The following DDX60L variants were observed in gnomAD, a reference collection of about 807,000 sequenced individuals.
The protein encoded by DDX60L is DExD/H-box 60 like, also known as probable ATP-dependent RNA helicase DDX60-like.
Under a neutral mutation model 211.6 loss-of-function variants are expected in DDX60L, and 191 were observed. The ratio of observed to expected loss-of-function variants is 0.90; its 90% CI spans 0.80 to 1.02. The LOEUF is 1.02. Ranked by LOEUF, DDX60L falls within the 50% of genes least tolerant of loss-of-function variation. The probability of loss-of-function intolerance (pLI) is 0.00; values close to 1 mark genes in which losing one functional copy is unlikely to be tolerated. For missense variants in DDX60L, 2,007 were observed against 1,984.1 expected (o/e 1.01, Z -0.22); for synonymous variants, 706 against 694.1 (o/e 1.02, Z -0.27).
At chr4:168,360,604 C>T (rs1394812840) in intron 37 of DDX60L, among the ~76,000 whole-genome samples, 1 of 152,214 alleles carries the variant, frequency 6.6e-6, no homozygotes, top group Non-Finnish European at 1.5e-5. Context: ...TAGACAAAAA[C>T]TGGATGACCA....
intron 17 of DDX60L, among the ~76,000 whole-genome samples, chr4:168,420,631 C>T (rs1561034224): frequency 1.1e-5 from 1 of 94,180 alleles, no homozygotes; most frequent in Non-Finnish European, 2.2e-5. Context: ...CACACACACA[C>T]ACACACACAT....
At chr4:168,371,427 G>A (rs1464407699) in intron 36 of DDX60L, among the ~76,000 whole-genome samples, 185 bp downstream of exon 36, 2 of 144,986 alleles carry the variant, frequency 1.4e-5, no homozygotes, top group Non-Finnish European at 3.0e-5. Context: ...TGATTCATCT[G>A]TATTTTAAAC....
intron 36 of DDX60L, 86 bp from the exon 37 acceptor site, chr4:168,361,297 T>C (rs1739074130): frequency 4.8e-6 from 4 of 841,282 alleles, no homozygotes. Flanking sequence ...GGTCTGTCCA[T>C]GGCAGTTAAT....
intron 8 of DDX60L, among the ~76,000 whole-genome samples, chr4:168,449,618 A>G (rs1234911430): frequency 5.2e-5 from 2 of 38,544 alleles, no homozygotes; most frequent in Non-Finnish European, 1.1e-4. Flanking sequence ...AGTATAATAA[A>G]AAAAAAAAAA....
intron 33 of DDX60L, among the ~76,000 whole-genome samples, chr4:168,376,986 T>A (rs574793924): frequency 6.6e-6 from 1 of 152,270 alleles, no homozygotes; most frequent in Non-Finnish European, 1.5e-5. Flanking sequence ...TAATTATACA[T>A]CAGTTTTAAA....
chr4:168,435,554 G>A (rs561116025), intron 10 of DDX60L, among the ~76,000 whole-genome samples: 3 of 152,132 alleles, frequency 2.0e-5, no homozygotes, highest in Non-Finnish European at 4.4e-5. Flanking sequence ...TGGTTTCATT[G>A]TTTGAGCAAA....
intron 36 of DDX60L, among the ~76,000 whole-genome samples, chr4:168,362,451 C>T (rs1038138375): frequency 3.9e-5 from 6 of 152,228 alleles, no homozygotes; most frequent in Admixed American, 2.0e-4. Flanking sequence ...TGGCTCACTG[C>T]ACCCACAGAT....
Position 168,432,570 on chromosome 4 carries a change from A to G in DDX60L, c.1401T>C (p.Ser467=). 1 of 1,537,404 alleles carries G rather than the reference A, an allele frequency of 6.5e-7. No homozygotes were observed. Among genetic ancestry groups the G allele is most frequent in the Non-Finnish European group, 8.8e-7 (1 of 1,139,174 alleles). ...DMMKDLPILK[S]DDPVVPSLFK... ...ACAGTGAAGGAACAACCGGATCATC[A>G]CTGTAAAAATAAATACATAATTTTT... The change falls in exon 12 of 38, where the codon AGT becomes AGC. Residue 467 remains serine, a splice_region_variant and synonymous_variant. Coordinates refer to ENST00000682922, the MANE Select transcript of DDX60L (RefSeq NM_001012967.3).
At chr4:168,462,931 C>T (rs1757513855) in intron 4 of DDX60L, among the ~76,000 whole-genome samples, 1 of 152,066 alleles carries the variant, frequency 6.6e-6, no homozygotes, top group Admixed American at 6.5e-5. Flanking sequence ...CATCTCACGC[C>T]AGTCAGATGG....
chr4:168,368,726 G>T (rs570311028), intron 36 of DDX60L, among the ~76,000 whole-genome samples: 17 of 152,334 alleles, frequency 1.1e-4, no homozygotes, highest in African/African-American at 3.8e-4. Context: ...GGGTGGAGCT[G>T]CCCAAGACTA....
At chr4:168,407,075 AT>A (rs1747872902) in intron 22 of DDX60L, among the ~76,000 whole-genome samples, 1 of 152,226 alleles carries the variant, frequency 6.6e-6, no homozygotes, top group South Asian at 2.1e-4. Context: ...TAGACAAAAA[AT>A]ATACCTTTCT....
chr4:168,404,151 G>GTGGAAACA, intron 24 of DDX60L, 45 bp from the exon 25 acceptor site: 9 of 1,131,938 alleles, frequency 8.0e-6, no homozygotes, highest in Non-Finnish European at 1.1e-5. Flanking sequence ...AAAAGAATTT[G>GTGGAAACA]TGGAAACAGA....
At chr4:168,372,235 G>T (rs1741156194) in intron 35 of DDX60L, among the ~76,000 whole-genome samples, 1 of 151,954 alleles carries the variant, frequency 6.6e-6, no homozygotes, top group Admixed American at 6.6e-5. Flanking sequence ...CAAACCTCTG[G>T]GCTCCAGAGA....
chr4:168,414,855 G>A (rs1417710614), intron 22 of DDX60L, among the ~76,000 whole-genome samples: 1 of 151,076 alleles, frequency 6.6e-6, no homozygotes, highest in Non-Finnish European at 1.5e-5. Flanking sequence ...GGTTACCAGA[G>A]GCTAGCAAAG....
chr4:168,456,928 A>C (rs547743031), intron 6 of DDX60L, among the ~76,000 whole-genome samples: 1 of 152,288 alleles, frequency 6.6e-6, no homozygotes, highest in South Asian at 2.1e-4. Flanking sequence ...ATATATATAC[A>C]GTCTGGGCAT....
intron 36 of DDX60L, among the ~76,000 whole-genome samples, chr4:168,361,956 T>A (rs1739184396): frequency 6.6e-6 from 1 of 152,150 alleles, no homozygotes; most frequent in African/African-American, 2.4e-5. Flanking sequence ...TCTCTCTCCA[T>A]CCCTGAAGCC....
intron 4 of DDX60L, among the ~76,000 whole-genome samples, chr4:168,466,798 C>G (rs1422081718): frequency 6.6e-6 from 1 of 152,126 alleles, no homozygotes; most frequent in Non-Finnish European, 1.5e-5. Context: ...CATGTATCCC[C>G]TTTTGGTAAG....
At chr4:168,456,810 A>C (rs954168707) in intron 6 of DDX60L, among the ~76,000 whole-genome samples, 11 of 152,232 alleles carry the variant, frequency 7.2e-5, no homozygotes, top group African/African-American at 2.7e-4. Flanking sequence ...GAAGTAATTT[A>C]AGTGTCTAGC....
rs1237931858 is a variant in DDX60L, at chr4:168,391,636, T to C, written c.3819A>G (p.Thr1273=). 6.5e-7 allele frequency: 1 copy of C among 1,538,638 alleles called. No homozygotes were observed. Among genetic ancestry groups the C allele is most frequent in the Non-Finnish European group, 8.8e-7 (1 of 1,138,928 alleles). The change falls in exon 29 of 38, where the codon ACA becomes ACG. Residue 1273 remains threonine, a synonymous_variant. Coordinates refer to ENST00000682922, the MANE Select transcript of DDX60L (RefSeq NM_001012967.3). ...TCCCTAAGGCAAGTGTTTCAGTAGC[T>C]GTCACTACCTAGGAAAAAAAAAAAA... ...LFVKGLIRVV[T]ATETLALGIH...
Sources: gnomAD v4.1 joint callset for allele counts (sites outside exome capture counted in the v4.1 genomes callset) on GRCh38, gnomAD v4.1.1 for gene constraint, MANE v1.5 for transcripts, NCBI Gene and HGNC (gene_info 2026-07-23, HGNC 2026-07-21) for gene names.